The following LDLRAP1 variants were observed in gnomAD, a reference collection of about 807,000 sequenced individuals.
The protein encoded by LDLRAP1 is low density lipoprotein receptor adaptor protein 1.
LDLRAP1 carries 30 observed loss-of-function variants against 37.8 expected under a neutral mutation model. That is an observed-to-expected ratio of 0.79 (90% CI 0.59 to 1.08). The LOEUF (loss-of-function observed/expected upper bound fraction) is 1.08. LDLRAP1 is among the 50% of genes least tolerant of loss of function. The probability of loss-of-function intolerance (pLI) is 0.00; values close to 1 mark genes in which losing one functional copy is unlikely to be tolerated. For missense variants in LDLRAP1, 375 were observed against 401.6 expected (o/e 0.93, Z 0.57); for synonymous variants, 156 against 169.8 (o/e 0.92, Z 0.63).
At chr1:25,557,712 G>A in intron 4 of LDLRAP1, among the ~76,000 whole-genome samples, 1 of 151,964 alleles carries the variant, frequency 6.6e-6, no homozygotes, top group Non-Finnish European at 1.5e-5. Context: ...GAGGGCAATG[G>A]CTGTTTCTTG....
downstream of LDLRAP1, among the ~76,000 whole-genome samples, chr1:25,573,806 C>G (rs1453180097): frequency 6.6e-6 from 1 of 152,222 alleles, no homozygotes. Context: ...GGGGCCTGCT[C>G]CTGCCTCTCC....
At chr1:25,571,057 C>A (rs563150212), downstream of LDLRAP1, among the ~76,000 whole-genome samples, 2 of 152,272 alleles carry the variant, frequency 1.3e-5, no homozygotes, top group Admixed American at 6.5e-5. Context: ...GGGATTTGAA[C>A]CCTGCTCTCT....
intron 1 of LDLRAP1, among the ~76,000 whole-genome samples, 159 bp downstream of exon 1, chr1:25,543,945 G>T (rs1220222376): frequency 6.6e-6 from 1 of 152,014 alleles, no homozygotes; most frequent in East Asian, 1.9e-4. Context: ...GCAGGGGGTC[G>T]GCCGGGGTCA....
chr1:25,576,598 A>G, the LDLRAP1 span, among the ~76,000 whole-genome samples: 1 of 152,230 alleles, frequency 6.6e-6, no homozygotes, highest in African/African-American at 2.4e-5. Context: ...AGGAAAGCAG[A>G]GCGCCTGGCT....
the LDLRAP1 span, among the ~76,000 whole-genome samples, chr1:25,589,417 A>G: frequency 6.6e-6 from 1 of 152,208 alleles, no homozygotes; most frequent in African/African-American, 2.4e-5. Flanking sequence ...TGACTGGGGT[A>G]AGGGATGCCC....
chr1:25,562,794 G>A (rs929802480), intron 5 of LDLRAP1, 78 bp downstream of exon 5: 39 of 1,291,470 alleles, frequency 3.0e-5, no homozygotes, highest in East Asian at 1.9e-4. Flanking sequence ...GACCTGGACC[G>A]ACTTCCTGCC....
chr1:25,565,287 C>T, intron 8 of LDLRAP1, 80 bp downstream of exon 8: 21 of 1,509,774 alleles, frequency 1.4e-5, no homozygotes, highest in East Asian at 2.3e-5. Flanking sequence ...GGGGACCTTT[C>T]CCCTGATTAA....
chr1:25,548,408 T>C (rs34880212), intron 1 of LDLRAP1, among the ~76,000 whole-genome samples: 29,457 of 144,290 alleles, frequency 0.2, 7,120 homozygotes, highest in African/African-American at 0.59. Context: ...AGTGCAGCAG[T>C]GGGATCTTGG....
chr1:25,558,674 T>G (rs1337951458), intron 4 of LDLRAP1, among the ~76,000 whole-genome samples: 2 of 152,218 alleles, frequency 1.3e-5, no homozygotes, highest in Non-Finnish European at 2.9e-5. Context: ...GTCACATTGC[T>G]GCTTTTAGCT....
chr1:25,573,275 C>T (rs2044630003), downstream of LDLRAP1, among the ~76,000 whole-genome samples: 1 of 152,232 alleles, frequency 6.6e-6, no homozygotes, highest in Admixed American at 6.5e-5. Context: ...AAAAACTCAA[C>T]AAACTCTACT....
chr1:25,586,761 G>C, the LDLRAP1 span, among the ~76,000 whole-genome samples: 1 of 152,090 alleles, frequency 6.6e-6, no homozygotes, highest in African/African-American at 2.4e-5. This position sits in a 1 kb window ranked among gnomAD's most constrained non-coding sequence, Gnocchi z 4.3. Flanking sequence ...GCAGATGGGG[G>C]CCCTGACCAG....
chr1:25,543,682 G>T lies in LDLRAP1; in HGVS notation c.-17G>T. 2 of 1,213,340 alleles carry T rather than the reference G, an allele frequency of 1.6e-6. No individual in the cohort carries two copies. The highest frequency in any genetic ancestry group is 2.0e-6 in the Non-Finnish European group (2 of 976,116). The allele number at this position is 1,213,340 out of a possible 1,614,324, so 75.2% of individuals were successfully genotyped here. On this transcript the variant is annotated 5_prime_UTR_variant, in exon 1 of 9. Coordinates refer to ENST00000374338, the MANE Select transcript of LDLRAP1 (RefSeq NM_015627.3). ...GAGTTTTGGCTGCGGCAGCGGCGGC[G>T]GCGGCCGGAGCGGGCCATGGACGCG...
intron 3 of LDLRAP1, 67 bp from the exon 4 acceptor site, chr1:25,557,086 G>C (rs764492519): frequency 5.8e-6 from 7 of 1,196,882 alleles, no homozygotes; most frequent in Admixed American, 1.7e-5. Context: ...GAGCTGCCCT[G>C]CAGGGCTTCC....
intron 4 of LDLRAP1, 83 bp from the exon 5 acceptor site, chr1:25,562,561 C>T (rs2044367541): frequency 8.4e-7 from 1 of 1,192,390 alleles, no homozygotes; most frequent in East Asian, 2.3e-5. Flanking sequence ...GGGGCCTGGC[C>T]TGGAGGCCCC....
At chr1:25,551,547 G>A (rs1055169676) in intron 1 of LDLRAP1, among the ~76,000 whole-genome samples, 3 of 152,186 alleles carry the variant, frequency 2.0e-5, no homozygotes, top group African/African-American at 4.8e-5. Context: ...ATATGAAAGC[G>A]CTGTTTTTCC....
At chr1:25,577,400 C>T in the LDLRAP1 span, among the ~76,000 whole-genome samples, 1 of 152,058 alleles carries the variant, frequency 6.6e-6, no homozygotes, top group Non-Finnish European at 1.5e-5. Context: ...TGACCTGTTC[C>T]TTACCAGGTG....
At chr1:25,577,691 CAG>C in the LDLRAP1 span, among the ~76,000 whole-genome samples, 10 of 152,212 alleles carry the variant, frequency 6.6e-5, no homozygotes, top group South Asian at 1.2e-3. Flanking sequence ...GGGGACAAGA[CAG>C]GGTGCATAGC....
At chr1:25,577,584 G>A in the LDLRAP1 span, among the ~76,000 whole-genome samples, 4 of 152,372 alleles carry the variant, frequency 2.6e-5, no homozygotes, top group African/African-American at 9.6e-5. Context: ...CTACAGCAGG[G>A]AGGCCTGCGG....
intron 4 of LDLRAP1, among the ~76,000 whole-genome samples, chr1:25,558,514 G>A (rs1367845226): frequency 6.6e-6 from 1 of 152,194 alleles, no homozygotes; most frequent in African/African-American, 2.4e-5. Flanking sequence ...AGGTCGGCAG[G>A]ATTGTGTTTT....
Sources: allele counts gnomAD v4.1 joint callset (sites outside exome capture counted in the v4.1 genomes callset), GRCh38; gene constraint gnomAD v4.1.1; non-coding constraint Gnocchi (gnomAD v3.1); transcripts MANE v1.5; gene names NCBI Gene and HGNC (gene_info 2026-07-23, HGNC 2026-07-21).